The following CLMN variants were observed in gnomAD, a reference collection of about 807,000 sequenced individuals.
CLMN encodes the protein calmin (calponin-like, transmembrane).
A neutral mutation model predicts 92.7 loss-of-function variants in CLMN; 57 were observed. The ratio of observed to expected loss-of-function variants is 0.61; its 90% confidence interval spans 0.50 to 0.77. CLMN has a LOEUF of 0.77. CLMN is among the 30% of genes least tolerant of loss of function. The probability of loss-of-function intolerance (pLI) is 0.00; values close to 1 mark genes in which losing one functional copy is unlikely to be tolerated. For synonymous variants in CLMN, 466 were observed against 470.6 expected, an observed-to-expected ratio of 0.99 and a Z score of 0.13; for missense variants, 1,158 against 1,237.5, an observed-to-expected ratio of 0.94 and a Z score of 0.96.
At chr14:95,235,587 T>C (rs1898025857) in intron 1 of CLMN, among the ~76,000 whole-genome samples, 1 of 152,204 alleles carries the variant, frequency 6.6e-6, no homozygotes, top group Non-Finnish European at 1.5e-5. Context: ...AAAATGGTCA[T>C]TTTCTGTCCT....
intron 2 of CLMN, among the ~76,000 whole-genome samples, chr14:95,225,119 C>A (rs1368978006): frequency 6.6e-6 from 1 of 150,916 alleles, no homozygotes; most frequent in Non-Finnish European, 1.5e-5. Flanking sequence ...GCAATACAAG[C>A]TCATTATTAC....
In CLMN at chr14:95,221,674, G is replaced by T; in HGVS notation, c.324+17C>A. The T allele has an allele frequency of 1.2e-6, 2 of 1,606,060 alleles. No homozygotes were observed. Among genetic ancestry groups the T allele is most frequent in the South Asian group, 2.2e-5 (2 of 90,712 alleles). On this transcript the variant is annotated intron_variant, in intron 4 of 12. Coordinates refer to ENST00000298912, the MANE Select transcript of CLMN (RefSeq NM_024734.4). ...CAGGACAAGCTTGTGTTAGCAGGAT[G>T]AGCTTCAAACACTTACATTGCTATC...
chr14:95,245,837 T>C (rs1050897084), intron 1 of CLMN, among the ~76,000 whole-genome samples: 4 of 146,570 alleles, frequency 2.7e-5, no homozygotes, highest in Non-Finnish European at 6.0e-5. Flanking sequence ...GATAGGTGGG[T>C]GGGTGGGTGG....
At chr14:95,235,960 G>A (rs1898040747) in intron 1 of CLMN, among the ~76,000 whole-genome samples, 1 of 152,180 alleles carries the variant, frequency 6.6e-6, no homozygotes, top group Non-Finnish European at 1.5e-5. Flanking sequence ...GGGGCAAAAA[G>A]CCCACCTTCC....
intron 9 of CLMN, among the ~76,000 whole-genome samples, chr14:95,200,470 C>T (rs1269454215): frequency 6.6e-6 from 1 of 152,208 alleles, no homozygotes; most frequent in Non-Finnish European, 1.5e-5. Context: ...GGCCCTTCTC[C>T]TCCCTGGCTG....
rs575379767 is a variant in CLMN, at chr14:95,289,442, T to C, written c.82+30269A>G. On this transcript the variant is annotated intron_variant, in intron 1 of 12. Coordinates refer to ENST00000298912, the MANE Select transcript of CLMN (RefSeq NM_024734.4). Reference sequence around the variant, plus strand: ...TGGGAGGCAGAGGTTGCAACCTGGTTGACAGAGCAAGACTCTGTCTCAAAA... The same window carrying C: ...TGGGAGGCAGAGGTTGCAACCTGGTCGACAGAGCAAGACTCTGTCTCAAAA... Among the ~76,000 whole-genome samples, 338 of 151,614 alleles carry C rather than the reference T, an allele frequency of 2.2e-3. 1 individual carries two copies. Among genetic ancestry groups the C allele is most frequent in the South Asian group, 0.012 (56 of 4,806 alleles).
chr14:95,292,801 G>A (rs1468271637), intron 1 of CLMN, among the ~76,000 whole-genome samples: 2 of 152,118 alleles, frequency 1.3e-5, no homozygotes, highest in African/African-American at 4.8e-5. Flanking sequence ...ACCAGCTCAG[G>A]GAGGGCGAGA....
At chr14:95,242,766 A>ACC (rs1458572405) in intron 1 of CLMN, among the ~76,000 whole-genome samples, 1 of 150,056 alleles carries the variant, frequency 6.7e-6, no homozygotes. Flanking sequence ...ACAGGGTTTC[A>ACC]CTATATAGGC....
chr14:95,275,567 C>A (rs943332446), intron 1 of CLMN, among the ~76,000 whole-genome samples: 1 of 152,200 alleles, frequency 6.6e-6, no homozygotes, highest in Non-Finnish European at 1.5e-5. Context: ...CATAAATAAT[C>A]CACGCCTTCT....
At chr14:95,245,447 G>A (rs1426468039) in intron 1 of CLMN, among the ~76,000 whole-genome samples, 1 of 149,948 alleles carries the variant, frequency 6.7e-6, no homozygotes, top group East Asian at 2.0e-4. Context: ...TGCCTGGTGT[G>A]TAAGTACAGA....
chr14:95,217,609 C>T (rs938866419), intron 4 of CLMN, among the ~76,000 whole-genome samples: 9 of 152,250 alleles, frequency 5.9e-5, no homozygotes, highest in Non-Finnish European at 1.0e-4. Flanking sequence ...CACGAGAACT[C>T]GCCTGCTCGT....
chr14:95,206,942 T>C (rs1318146754), intron 8 of CLMN, among the ~76,000 whole-genome samples: 2 of 149,830 alleles, frequency 1.3e-5, no homozygotes, highest in African/African-American at 4.9e-5. Flanking sequence ...AATTGCAAAA[T>C]AATAATCACT....
At chr14:95,243,904 G>A (rs1250590142) in intron 1 of CLMN, among the ~76,000 whole-genome samples, 1 of 152,062 alleles carries the variant, frequency 6.6e-6, no homozygotes, top group African/African-American at 2.4e-5. Context: ...GGGGCCTGGT[G>A]GGAGGTGATT....
intron 1 of CLMN, among the ~76,000 whole-genome samples, chr14:95,297,642 C>T (rs544535968): frequency 2.0e-4 from 30 of 152,280 alleles, no homozygotes; most frequent in African/African-American, 7.2e-4. Flanking sequence ...GCTTCTTCCA[C>T]GTAGTAGAAG....
At chr14:95,311,524 T>C (rs61132163) in intron 1 of CLMN, among the ~76,000 whole-genome samples, 9,420 of 152,154 alleles carry the variant, frequency 0.062, 306 homozygotes, top group Middle Eastern at 0.095. Context: ...CCCAGGGCCT[T>C]TGTAAATTCC....
intron 1 of CLMN, among the ~76,000 whole-genome samples, chr14:95,266,870 A>C (rs1425120647): frequency 6.6e-6 from 1 of 152,200 alleles, no homozygotes; most frequent in Non-Finnish European, 1.5e-5. Flanking sequence ...CAGAATAGAG[A>C]ACCCAGAAAT....
In CLMN at chr14:95,182,991, C is replaced by T. The variant is rs1291726732; in HGVS notation, c.*8573G>A. ...TAAAGCCAAGAAGCACTGCCCTAAGCTTTGGGCTGATATACAGAGGTACAC... is the reference window on the plus strand; with the variant it reads ...TAAAGCCAAGAAGCACTGCCCTAAGTTTTGGGCTGATATACAGAGGTACAC... On this transcript the variant is annotated 3_prime_UTR_variant, in exon 13 of 13. Transcript: ENST00000298912. The T allele has an allele frequency of 6.6e-6, 1 of 152,232 alleles. No homozygotes were observed. Among genetic ancestry groups the T allele is most frequent in the African/African-American group, 2.4e-5 (1 of 41,450 alleles). The allele number at this position is 152,232 out of a possible 1,614,324, so 9.4% of individuals were successfully genotyped here.
intron 3 of CLMN, 135 bp from the exon 4 acceptor site, chr14:95,221,909 C>A: frequency 1.3e-6 from 1 of 760,476 alleles, no homozygotes. Flanking sequence ...CAGCTAAAAC[C>A]CACCTGGAAT....
chr14:95,312,807 C>T (rs1465657859), intron 1 of CLMN, among the ~76,000 whole-genome samples: 7 of 152,128 alleles, frequency 4.6e-5, no homozygotes, highest in African/African-American at 1.7e-4. Flanking sequence ...GATGTGGGGG[C>T]ATCTTGACGG....
Sources: gnomAD v4.1 joint callset for allele counts (sites outside exome capture counted in the v4.1 genomes callset) on GRCh38, gnomAD v4.1.1 for gene constraint, MANE v1.5 for transcripts, NCBI Gene and HGNC (gene_info 2026-07-23, HGNC 2026-07-21) for gene names.